The following NELL2 variants were observed in gnomAD, a reference collection of about 807,000 sequenced individuals.
NELL2 encodes the protein neural EGFL like 2.
Under a neutral mutation model 109.6 loss-of-function variants are expected in NELL2, and 41 were observed. The observed-to-expected ratio is 0.37, with a 90% CI of 0.29 to 0.49. The LOEUF is 0.49. Among genes scored for constraint, NELL2 ranks in the 20% least tolerant of loss-of-function variants. The pLI, the probability that NELL2 is intolerant of heterozygous loss-of-function variation, is 0.98. For missense variants in NELL2, 900 were observed against 1,008.3 expected (o/e 0.89, Z 1.45); for synonymous variants, 355 against 344.7 (o/e 1.03, Z -0.33).
chr12:44,883,483 C>T (rs1481977326), intron 1 of NELL2, among the ~76,000 whole-genome samples: 1 of 152,016 alleles, frequency 6.6e-6, no homozygotes, highest in Non-Finnish European at 1.5e-5. Flanking sequence ...CATCTGAAGA[C>T]CCTTTGCCTT....
chr12:44,609,181 C>T (rs1945517192), intron 14 of NELL2, among the ~76,000 whole-genome samples: 2 of 151,934 alleles, frequency 1.3e-5, no homozygotes, highest in African/African-American at 4.8e-5. Context: ...AAACTCTACA[C>T]TCAAGCAATC....
intron 15 of NELL2, among the ~76,000 whole-genome samples, chr12:44,603,130 C>A (rs1286057352): frequency 3.3e-5 from 5 of 152,138 alleles, no homozygotes; most frequent in Middle Eastern, 6.8e-3. Flanking sequence ...AATTTATATT[C>A]ATTTAACAAC....
At chr12:44,622,058 C>T (rs1388767107) in intron 13 of NELL2, among the ~76,000 whole-genome samples, 1 of 152,046 alleles carries the variant, frequency 6.6e-6, no homozygotes, top group African/African-American at 2.4e-5. Context: ...CACATCTTGC[C>T]GTTAACGCCT....
chr12:44,622,059 G>A (rs1042712182), intron 13 of NELL2, among the ~76,000 whole-genome samples: 4 of 152,034 alleles, frequency 2.6e-5, no homozygotes, highest in Non-Finnish European at 4.4e-5. Flanking sequence ...ACATCTTGCC[G>A]TTAACGCCTG....
At chr12:44,676,274 T>C (rs1948313990) in intron 12 of NELL2, among the ~76,000 whole-genome samples, 1 of 152,166 alleles carries the variant, frequency 6.6e-6, no homozygotes, top group African/African-American at 2.4e-5. Flanking sequence ...CTAAGAAATG[T>C]AATTCTGGAA....
Position 44,816,063 on chromosome 12 carries a change from T to G in NELL2, c.258A>C (p.Glu86Asp), listed in dbSNP as rs777105159. The G allele has an allele frequency of 2.5e-6, 4 of 1,613,736 alleles. No homozygotes were observed. Among genetic ancestry groups the G allele is most frequent in the Non-Finnish European group, 3.4e-6 (4 of 1,179,934 alleles). The change falls in exon 3 of 20, where the codon GAA (glutamate) becomes GAC (aspartate). Residue 86 changes from glutamate to aspartate, a missense_variant. This residue lies in a region of NELL2 where 200 missense variants were observed against 191.8 expected (regional missense o/e 1.04). Transcript: ENST00000429094. The stretch of plus-strand genomic sequence containing the variant: ...GTTTTAGGGTCACCAAAATAGTAAA[T>G]TCATGTTTATTTCTCAGCTTCTGAA... ...QFFQKLRNKHEFTILVTLKQT... is the reference protein window; with the variant it reads ...QFFQKLRNKHDFTILVTLKQT...
intron 3 of NELL2, among the ~76,000 whole-genome samples, chr12:44,784,706 C>T (rs551672577): frequency 5.3e-5 from 8 of 152,130 alleles, no homozygotes; most frequent in African/African-American, 7.2e-5. Flanking sequence ...TTCATCCCTG[C>T]GATGCAAGGC....
chr12:44,686,950 T>G (rs910624114), intron 12 of NELL2, among the ~76,000 whole-genome samples: 5 of 152,214 alleles, frequency 3.3e-5, no homozygotes, highest in Admixed American at 6.5e-5. Flanking sequence ...CACCCAGTTC[T>G]AGCTTCCCTG....
intron 3 of NELL2, among the ~76,000 whole-genome samples, chr12:44,805,167 A>G (rs1279917182): frequency 7.9e-5 from 12 of 151,856 alleles, no homozygotes; most frequent in Non-Finnish European, 2.9e-5. Flanking sequence ...AAGACTGAGT[A>G]ATATAAAAAT....
At chr12:44,881,778 C>T (rs769800863) in intron 1 of NELL2, 5 of 151,906 alleles carry the variant, frequency 3.3e-5, no homozygotes, top group Non-Finnish European at 5.9e-5. Flanking sequence ...CATAAACTTA[C>T]AGATTCAAGG....
intron 11 of NELL2, among the ~76,000 whole-genome samples, chr12:44,704,581 T>C (rs967107395): frequency 4.6e-5 from 7 of 152,214 alleles, no homozygotes; most frequent in Non-Finnish European, 8.8e-5. Context: ...TCATCTAAGA[T>C]GCTGAAATGA....
chr12:44,571,985 G>A (rs1943887815), intron 15 of NELL2, among the ~76,000 whole-genome samples: 1 of 152,052 alleles, frequency 6.6e-6, no homozygotes, highest in Non-Finnish European at 1.5e-5. Flanking sequence ...GAGGAGAGCA[G>A]AGAAATCATA....
At chr12:44,668,992 G>T (rs1592301317) in intron 12 of NELL2, among the ~76,000 whole-genome samples, 1 of 152,040 alleles carries the variant, frequency 6.6e-6, no homozygotes, top group East Asian at 1.9e-4. Context: ...GAGGGCCCAA[G>T]GACTAGCCAC....
chr12:44,907,937 CA>C (rs1945738061), intron 1 of NELL2, among the ~76,000 whole-genome samples: 1 of 151,960 alleles, frequency 6.6e-6, no homozygotes, highest in Non-Finnish European at 1.5e-5. Flanking sequence ...AGAGTTTAGG[CA>C]CACAAAGGCA....
intron 3 of NELL2, among the ~76,000 whole-genome samples, chr12:44,798,856 G>A (rs957090538): frequency 1.3e-5 from 2 of 150,104 alleles, no homozygotes; most frequent in Non-Finnish European, 3.0e-5. Context: ...GCATTTTAAT[G>A]CATAGAGAAA....
chr12:44,663,431 A>G (rs1316160520), intron 13 of NELL2, among the ~76,000 whole-genome samples: 2 of 152,322 alleles, frequency 1.3e-5, no homozygotes, highest in Non-Finnish European at 2.9e-5. Flanking sequence ...TGTTAGTTGA[A>G]AATGCTAGTG....
chr12:44,746,602 G>GA (rs1161586315), intron 9 of NELL2, among the ~76,000 whole-genome samples: 1 of 151,862 alleles, frequency 6.6e-6, no homozygotes, highest in Non-Finnish European at 1.5e-5. Context: ...AAATTTACAA[G>GA]AAAAAAACAA....
chr12:44,720,637 T>A (rs1388439430), intron 9 of NELL2, among the ~76,000 whole-genome samples: 1 of 152,202 alleles, frequency 6.6e-6, no homozygotes. Context: ...CTTCTTTCCC[T>A]ATATAAAACC....
At chr12:44,865,272 C>T in intron 2 of NELL2, among the ~76,000 whole-genome samples, 1 of 137,832 alleles carries the variant, frequency 7.3e-6, no homozygotes. Flanking sequence ...GGATATTAGC[C>T]CTTTGTCCGA....
Sources: allele counts gnomAD v4.1 joint callset (sites outside exome capture counted in the v4.1 genomes callset), GRCh38; gene constraint gnomAD v4.1.1; regional missense constraint gnomAD v4.1.1; transcripts MANE v1.5; gene names NCBI Gene and HGNC (gene_info 2026-07-23, HGNC 2026-07-21).